Variants in TNS4 observed in about 807,000 individuals in gnomAD.
TNS4 encodes the protein tensin 4.
In TNS4, 46 loss-of-function variants were observed where a neutral mutation model predicts 70.4. That is an observed-to-expected ratio of 0.65 (90% CI 0.52 to 0.84). The LOEUF (loss-of-function observed/expected upper bound fraction) is 0.84, where lower values mean the gene tolerates loss of function less well. Ranked by LOEUF, TNS4 falls within the 40% of genes least tolerant of loss-of-function variation. TNS4 has a pLI of 0.00. For missense variants in TNS4, 863 were observed against 907.0 expected (o/e 0.95, Z 0.62); for synonymous variants, 390 against 366.6 (o/e 1.06, Z -0.73).
intron 3 of TNS4, among the ~76,000 whole-genome samples, chr17:40,487,996 G>A (rs2036014633): frequency 1.3e-5 from 2 of 152,378 alleles, no homozygotes; most frequent in East Asian, 1.9e-4. Flanking sequence ...TTGGCCAGTG[G>A]CTTTGGAGGT....
In TNS4 at chr17:40,496,258, G is replaced by A. The variant is rs78105326; in HGVS notation, c.168C>T (p.Pro56=). ...EGWGAQALMA[P]VPCMGPPGRL... ...GGCCAGGGGGCCCCATGCAGGGCAC[G>A]GGGGCCATCAGGGCCTGGGCTCCCC... is the stretch of plus-strand genomic sequence containing the variant. Residue 56 remains proline, a synonymous_variant, in exon 2 of 13, where the codon CCC becomes CCT. Transcript: ENST00000254051. 172 of 1,604,102 alleles carry A rather than the reference G, an allele frequency of 1.1e-4. 2 individuals carry two copies. In the African/African-American group the frequency reaches 1.9e-3, roughly 18 times the overall value.
intron 1 of TNS4, among the ~76,000 whole-genome samples, chr17:40,497,672 G>C (rs2036163297): frequency 6.6e-6 from 1 of 152,096 alleles, no homozygotes; most frequent in Admixed American, 6.6e-5. Context: ...TGGCCAGCAG[G>C]GAAGCTCACA....
At chr17:40,497,746 G>A (rs1253998908) in intron 1 of TNS4, among the ~76,000 whole-genome samples, 1 of 152,176 alleles carries the variant, frequency 6.6e-6, no homozygotes, top group Non-Finnish European at 1.5e-5. Context: ...GGGCGGGGGA[G>A]GCAGGCTGGC....
intron 2 of TNS4, among the ~76,000 whole-genome samples, chr17:40,490,092 C>G (rs551429001): frequency 5.9e-5 from 9 of 152,202 alleles, no homozygotes; most frequent in African/African-American, 2.2e-4. Flanking sequence ...GTCTGAGAAC[C>G]CTGCTTTGGA....
chr17:40,478,753 A>C, intron 10 of TNS4, 105 bp from the exon 11 acceptor site: 1 of 1,338,836 alleles, frequency 7.5e-7, no homozygotes, highest in Admixed American at 1.9e-5. Context: ...CTGTCCTCCA[A>C]GAAGTCTCTG....
intron 7 of TNS4, 49 bp downstream of exon 7, chr17:40,482,275 C>T: frequency 3.7e-6 from 6 of 1,614,058 alleles, no homozygotes. Context: ...ACAACGGAGA[C>T]TTCGCTGGCC....
rs80175855 is a variant in TNS4 at position 40,495,916 on chromosome 17, T to C, written c.439+71A>G. ...AGGACAGGGTCCCCTTCTCTGTACA[T>C]AGGAAAATCCTTCTTCCTCATGAGG... On this transcript the variant is annotated intron_variant, in intron 2 of 12. Coordinates refer to ENST00000254051, the MANE Select transcript of TNS4 (RefSeq NM_032865.6). 5.4e-4 allele frequency: 820 copies of C among 1,506,412 alleles called. 5 individuals are homozygous for C. The African/African-American group carries it at 8.6e-3, about 16-fold the overall frequency. 93.3% of individuals were successfully genotyped at this position (1,506,412 alleles called of 1,614,324 possible). A position where few individuals can be genotyped will look rare whatever the true frequency, so the allele number is the denominator to read the frequency against.
Position 40,492,612 on chromosome 17 carries a change from TTG to T in TNS4, c.439+3373_439+3374del, listed in dbSNP as rs1491051793. 2.4e-3 allele frequency among the ~76,000 whole-genome samples: 333 copies of T among 140,318 alleles called. 6 individuals are homozygous for T. Among genetic ancestry groups the T allele is most frequent in the Middle Eastern group, 0.018 (5 of 284 alleles). 92.1% of individuals were successfully genotyped at this position (140,318 alleles called of 152,430 possible). On this transcript the variant is annotated intron_variant, in intron 2 of 12. Coordinates refer to ENST00000254051, the MANE Select transcript of TNS4 (RefSeq NM_032865.6). Reference sequence around the variant, plus strand: ...ATGGACTAGTTTTTTTTTTTTTTTTTTGTTTTAAGCCTGGGCTGGGTGATATG... The same window carrying T: ...ATGGACTAGTTTTTTTTTTTTTTTTTTTTTAAGCCTGGGCTGGGTGATATG...
In TNS4 at chr17:40,487,472, GAGAGTC is replaced by G. The variant is rs779668478; in HGVS notation, c.864-18_864-13del. 1.9e-6 allele frequency: 3 copies of G among 1,592,862 alleles called. No individual in the cohort carries two copies. The East Asian group carries it at 6.7e-5, about 36-fold the overall frequency. ...GGAGGGACTGGCTGCTGCAGCGGGA[GAGAGTC>G]AGACAGGGTGTTAGGGCAACAGGTG... On this transcript the variant is annotated splice_polypyrimidine_tract_variant and intron_variant, in intron 3 of 12. Coordinates refer to ENST00000254051, the MANE Select transcript of TNS4 (RefSeq NM_032865.6).
intron 12 of TNS4, chr17:40,477,963 C>A (rs1389565779): frequency 3.3e-6 from 2 of 602,220 alleles, no homozygotes; most frequent in African/African-American, 3.7e-5. Flanking sequence ...TGAGTGAGGG[C>A]TCCTTGAGGA....
Position 40,482,392 on chromosome 17 carries a change from CG to C in TNS4, c.1525del (p.Arg509AspfsTer79). 6.2e-7 allele frequency: 1 copy of C among 1,614,046 alleles called. No individual in the cohort carries two copies. The highest frequency in any genetic ancestry group is 8.5e-7 in the Non-Finnish European group (1 of 1,180,020). On this transcript the variant is annotated frameshift_variant, in exon 7 of 13. Transcript: ENST00000254051. LOFTEE classifies it high-confidence loss of function. The stretch of plus-strand genomic sequence containing the variant: ...GGCAGACGACTCGATGAGGAAGTGT[CG>C]GATGAGGTCATTGCTGTCCTCACCT... ...RPGEDSNDLIRHFLIESSAKG... is the reference protein window; with the variant it reads ...RPGEDSNDLIXHFLIESSAKG...
At position 40,488,841 on chromosome 17, in the gene TNS4, C is replaced by A; in HGVS notation, c.568G>T (p.Val190Phe). 6.2e-7 allele frequency: 1 copy of A among 1,613,116 alleles called. No individual in the cohort carries two copies. The highest frequency in any genetic ancestry group is 8.5e-7 in the Non-Finnish European group (1 of 1,179,838). ...RSGGLLLSRDVPRETRSSSES... is the reference protein window; with the variant it reads ...RSGGLLLSRDFPRETRSSSES... The stretch of plus-strand genomic sequence containing the variant: ...CTGCTGCTTCGTGTCTCTCGGGGGA[C>A]GTCTCTGGAAAGGAGGAGGCCACCA... Residue 190 changes from valine (V) to phenylalanine (F), a missense_variant, in exon 3 of 13, where the codon GTC becomes TTC. Val to Phe is a conservative substitution (Grantham distance 50, BLOSUM62 -1). Transcript: ENST00000254051.
In TNS4 at chr17:40,477,595, C is replaced by G. The variant is rs724159930; in HGVS notation, c.2141G>C (p.Arg714Thr). 1 of 1,614,110 alleles carries G rather than the reference C, an allele frequency of 6.2e-7. No homozygotes were observed. The change falls in exon 13 of 13, where the codon AGG becomes ACG. Residue 714 changes from arginine (R) to threonine (T), a missense_variant. Physicochemically the swap from Arg to Thr is moderately conservative, Grantham distance 71. Transcript: ENST00000254051. ...LVTALLQDAE[R>T]M ...GCACAGGCAGTCTCTCCCCTACATCCTTTCTGCGTCCTGCAGCAGAGCAGT... is the reference window on the plus strand; with the variant it reads ...GCACAGGCAGTCTCTCCCCTACATCGTTTCTGCGTCCTGCAGCAGAGCAGT...
chr17:40,489,763 C>A (rs1257209084), intron 2 of TNS4, among the ~76,000 whole-genome samples: 1 of 140,998 alleles, frequency 7.1e-6, no homozygotes, highest in Non-Finnish European at 1.5e-5. Context: ...CCACTGCACT[C>A]CAGCCTGAGT....
In TNS4 at chr17:40,496,188, G is replaced by C. The variant is rs1473656481; in HGVS notation, c.238C>G (p.Leu80Val). ...PQVEAKATCF[L>V]PSPGEKALGT... ...AAGGCCTTCTCACCAGGGGACGGCA[G>C]GAAGCAGGTGGCTTTGGCCTCCACC... is the stretch of plus-strand genomic sequence containing the variant. The change falls in exon 2 of 13, where the codon CTG (leucine) becomes GTG (valine). Residue 80 changes from leucine (L) to valine (V), a missense_variant. Leu to Val is a conservative substitution (Grantham distance 32). Coordinates refer to ENST00000254051, the MANE Select transcript of TNS4 (RefSeq NM_032865.6). 2.5e-6 allele frequency: 4 copies of C among 1,607,168 alleles called. No homozygotes were observed. The highest frequency in any genetic ancestry group is 2.5e-6 in the Non-Finnish European group (3 of 1,176,562).
intron 5 of TNS4, 113 bp downstream of exon 5, chr17:40,484,808 C>G: frequency 7.2e-7 from 1 of 1,396,306 alleles, no homozygotes; most frequent in South Asian, 1.3e-5. Context: ...CATCCCCCTC[C>G]CCCGCTTCCC....
chr17:40,487,557 T>A, intron 3 of TNS4, 97 bp from the exon 4 acceptor site: 1 of 1,352,230 alleles, frequency 7.4e-7, no homozygotes, highest in Non-Finnish European at 1.0e-6. Flanking sequence ...CCCATGGCTT[T>A]AAAGGCCAAA....
At chr17:40,484,647 A>C (rs753147124) in intron 5 of TNS4, 38 bp from the exon 6 acceptor site, 3 of 1,607,920 alleles carry the variant, frequency 1.9e-6, no homozygotes, top group Non-Finnish European at 1.7e-6. Context: ...ACACCGCCCC[A>C]CCTGGACACC....
At chr17:40,477,867 C>T (rs2035869240) in intron 12 of TNS4, 138 bp from the exon 13 acceptor site, 2 of 761,034 alleles carry the variant, frequency 2.6e-6, no homozygotes, top group South Asian at 1.7e-5. Flanking sequence ...CCAGCACCTC[C>T]TTATGGTGGG....
Sources: gnomAD v4.1 joint callset for allele counts (sites outside exome capture counted in the v4.1 genomes callset) on GRCh38, gnomAD v4.1.1 for gene constraint, MANE v1.5 for transcripts, NCBI Gene and HGNC (gene_info 2026-07-23, HGNC 2026-07-21) for gene names.